RP2: variants seen among roughly 807,000 people sequenced by gnomAD.
The protein encoded by RP2 is RP2 activator of ARL3 GTPase.
Under a neutral mutation model 20.3 loss-of-function variants are expected in RP2, and 3 were observed. The observed-to-expected ratio is 0.15, with a 90% CI of 0.07 to 0.38. The LOEUF is 0.38. RP2 is among the 10% of genes least tolerant of loss of function. The pLI, the probability that RP2 is intolerant of heterozygous loss-of-function variation, is 1.00. For missense variants in RP2, 233 were observed against 268.5 expected, an observed-to-expected ratio of 0.87 and a Z score of 0.92; for synonymous variants, 75 against 94.8, an observed-to-expected ratio of 0.79 and a Z score of 1.22.
chrX:46,860,207 T>C (rs1453254754), intron 3 of RP2, 105 bp downstream of exon 3: 3 of 567,442 alleles, frequency 5.3e-6, no homozygotes, highest in Non-Finnish European at 9.0e-6. Context: ...CTCTTTCTCA[T>C]TTGTTCTTTG....
At chrX:46,843,069 G>C (rs1180270921) in intron 1 of RP2, among the ~76,000 whole-genome samples, 3 of 101,981 alleles carry the variant, frequency 2.9e-5, no homozygotes, top group Non-Finnish European at 5.9e-5. Context: ...GTGCAGTGGT[G>C]TGATCTCAGC....
intron 3 of RP2, among the ~76,000 whole-genome samples, chrX:46,863,711 T>G (rs1556321213): frequency 1.8e-5 from 2 of 112,070 alleles, no homozygotes; most frequent in South Asian, 7.4e-4. Flanking sequence ...CCACCCCAGT[T>G]GTGGCAACGA....
At chrX:46,878,353 G>T (rs1164811583) in intron 4 of RP2, among the ~76,000 whole-genome samples, 2 of 104,242 alleles carry the variant, frequency 1.9e-5, no homozygotes, top group Admixed American at 2.1e-4. Context: ...CTCCAGCCTG[G>T]GCGACAGAGC....
chrX:46,869,238 C>T (rs781950632), intron 3 of RP2, among the ~76,000 whole-genome samples: 1 of 111,289 alleles, frequency 9.0e-6, no homozygotes, highest in South Asian at 3.8e-4. Context: ...AAAGTGAGAC[C>T]CCCATCTCTT....
In RP2 at chrX:46,880,775, A is replaced by G. The variant is rs1363634599; in HGVS notation, c.*1006A>G. The stretch of plus-strand genomic sequence containing the variant: ...CACTGTTTCCCAAATCTACCTGATC[A>G]TAATAATTTACCAGGAAGCAGAGGA... On this transcript the variant is annotated 3_prime_UTR_variant, in exon 5 of 5. Transcript: ENST00000218340. 8.9e-6 allele frequency: 1 copy of G among 112,345 alleles called. No homozygotes were observed. Among genetic ancestry groups the G allele is most frequent in the Non-Finnish European group, 1.9e-5 (1 of 53,301 alleles). The allele number at this position is 112,345 out of a possible 1,213,427, so 9.3% of individuals were successfully genotyped here. A position where few individuals can be genotyped will look rare whatever the true frequency, so the allele number is the denominator to read the frequency against.
At chrX:46,847,779 C>CACACATATGTGTGTAT (rs1569531400) in intron 1 of RP2, among the ~76,000 whole-genome samples, 5 of 81,972 alleles carry the variant, frequency 6.1e-5, no homozygotes, top group Non-Finnish European at 1.2e-4. Context: ...TGTGTGTGTA[C>CACACATATGTGTGTAT]ATACACACAT....
chrX:46,844,219 T>A (rs1556315569), intron 1 of RP2, among the ~76,000 whole-genome samples: 1 of 111,929 alleles, frequency 8.9e-6, no homozygotes, highest in Non-Finnish European at 1.9e-5. Context: ...AGGGTACATA[T>A]GCACAACGTG....
rs180931025 is a variant in RP2, at chrX:46,868,051, T to C, written c.883+7949T>C. On this transcript the variant is annotated intron_variant, in intron 3 of 4. Coordinates refer to ENST00000218340, the MANE Select transcript of RP2 (RefSeq NM_006915.3). ...TTGCTGGATCATGTTGTAGTTCTAT[T>C]TTTAGTTTTTTGAGGGACCTGCATT... Among the ~76,000 whole-genome samples the C allele has an allele frequency of 2.5e-4, 28 of 112,041 alleles. No individual in the cohort carries two copies. The East Asian group carries it at 7.2e-3, about 29-fold the overall frequency.
At chrX:46,847,792 G>GTATATGTGTATATA (rs1569531406) in intron 1 of RP2, among the ~76,000 whole-genome samples, 8 of 94,736 alleles carry the variant, frequency 8.4e-5, no homozygotes, top group African/African-American at 3.2e-4. Context: ...ACACACATGT[G>GTATATGTGTATATA]TGTGTGTATA....
At chrX:46,849,816 T>A (rs782500259) in intron 1 of RP2, among the ~76,000 whole-genome samples, 16 of 111,770 alleles carry the variant, frequency 1.4e-4, no homozygotes, top group Non-Finnish European at 2.1e-4. Context: ...GTCAAATTCA[T>A]ATGTTGAAGC....
chrX:46,877,983 C>G (rs1452622804), intron 4 of RP2, among the ~76,000 whole-genome samples: 1 of 110,831 alleles, frequency 9.0e-6, no homozygotes, highest in Non-Finnish European at 1.9e-5. Context: ...TTTAGATGGA[C>G]GATTCTGTTG....
At chrX:46,860,194 C>T in intron 3 of RP2, 92 bp downstream of exon 3, 1 of 597,469 alleles carries the variant, frequency 1.7e-6, no homozygotes, top group South Asian at 2.5e-5. Flanking sequence ...TTTACATTGC[C>T]TTCTCTTTCT....
At chrX:46,839,552 CAA>C (rs1359672211) in intron 1 of RP2, among the ~76,000 whole-genome samples, 1 of 100,536 alleles carries the variant, frequency 9.9e-6, no homozygotes. Flanking sequence ...ACCCTGTTTC[CAA>C]AAAAAAAAAA....
At chrX:46,846,367 C>T (rs782350855) in intron 1 of RP2, among the ~76,000 whole-genome samples, 60 of 110,880 alleles carry the variant, frequency 5.4e-4, no homozygotes, top group Middle Eastern at 4.6e-3. Flanking sequence ...GCAGAAGGAT[C>T]GCTTGAGGCC....
intron 3 of RP2, among the ~76,000 whole-genome samples, chrX:46,872,173 T>C (rs1173467700): frequency 8.9e-6 from 1 of 112,520 alleles, no homozygotes; most frequent in African/African-American, 3.2e-5. Context: ...CAAATTAATA[T>C]AGCTACTCTA....
chrX:46,853,915 CAGG>C lies in RP2; in HGVS notation c.545_547del (p.Gly182del). 1.7e-6 allele frequency: 2 copies of C among 1,211,343 alleles called. No homozygotes were observed. The highest frequency in any genetic ancestry group is 2.2e-6 in the Non-Finnish European group (2 of 895,178). The stretch of plus-strand genomic sequence containing the variant: ...AACATTCATGACTTTACACCTGTGT[CAGG>C]AGAACTCAACTGGAGCCTTCTTCCA... On this transcript the variant is annotated inframe_deletion, in exon 2 of 5. Coordinates refer to ENST00000218340, the MANE Select transcript of RP2 (RefSeq NM_006915.3).
chrX:46,872,977 G>A (rs951926379), intron 3 of RP2, among the ~76,000 whole-genome samples: 1 of 111,315 alleles, frequency 9.0e-6, no homozygotes, highest in African/African-American at 3.3e-5. Context: ...GGGCTAAAGC[G>A]ATCTGCCTGC....
chrX:46,848,963 G>A (rs191292074), intron 1 of RP2, among the ~76,000 whole-genome samples: 3 of 108,208 alleles, frequency 2.8e-5, no homozygotes, highest in Non-Finnish European at 3.8e-5. Context: ...GGTGGAGGTC[G>A]AGGCTGCAGT....
intron 3 of RP2, among the ~76,000 whole-genome samples, chrX:46,866,584 G>A (rs782435602): frequency 9.0e-6 from 1 of 111,599 alleles, no homozygotes; most frequent in South Asian, 3.7e-4. Context: ...AAACTTATTT[G>A]CCAACTAGAG....
Sources: gnomAD v4.1 joint callset for allele counts (sites outside exome capture counted in the v4.1 genomes callset) on GRCh38, gnomAD v4.1.1 for gene constraint, MANE v1.5 for transcripts, NCBI Gene and HGNC (gene_info 2026-07-23, HGNC 2026-07-21) for gene names.